TENM2: variants seen among roughly 807,000 people sequenced by gnomAD.
TENM2 encodes the protein teneurin transmembrane protein 2, also known as teneurin-2.
TENM2 carries 52 observed loss-of-function variants against 245.2 expected under a neutral mutation model. The ratio of observed to expected loss-of-function variants is 0.21; its 90% CI spans 0.17 to 0.27. The LOEUF is 0.27. Among genes scored for constraint, TENM2 ranks in the 10% least tolerant of loss-of-function variants. The pLI is 1.00. For missense variants in TENM2, 3,046 were observed against 3,666.8 expected, an observed-to-expected ratio of 0.83 and a Z score of 4.37; for synonymous variants, 1,363 against 1,438.9, an observed-to-expected ratio of 0.95 and a Z score of 1.19.
rs894933754 is a variant in TENM2 at position 167,473,454 on chromosome 5, A to G, written c.502+97981A>G. ...AATAGCACATTTCTTTAAAGAACCA[A>G]GGACGAAGGAAAGTTCATTCTCATT... On this transcript the variant is annotated intron_variant, in intron 2 of 28. Transcript: ENST00000518659. Among the ~76,000 whole-genome samples the G allele has an allele frequency of 2.6e-5, 4 of 152,354 alleles. No individual in the cohort carries two copies. In the East Asian group the frequency reaches 7.7e-4, roughly 29 times the overall value.
At chr5:167,053,234 C>T in the TENM2 span, among the ~76,000 whole-genome samples, 2 of 152,116 alleles carry the variant, frequency 1.3e-5, no homozygotes, top group Non-Finnish European at 1.5e-5. Context: ...TCTTATGACA[C>T]TTATTACATG....
At chr5:167,071,878 G>GCCCCCCCCCCCCCCCC in the TENM2 span, among the ~76,000 whole-genome samples, 3 of 124,026 alleles carry the variant, frequency 2.4e-5, no homozygotes, top group Admixed American at 9.2e-5. Flanking sequence ...TTGACAAATC[G>GCCCCCCCCCCCCCCCC]CCCCCCCCCG....
At chr5:167,068,573 G>A in the TENM2 span, among the ~76,000 whole-genome samples, 1 of 152,060 alleles carries the variant, frequency 6.6e-6, no homozygotes, top group East Asian at 1.9e-4. Flanking sequence ...GTCAGATCTG[G>A]TATGTAATTT....
chr5:166,980,382 A>T, the TENM2 span, among the ~76,000 whole-genome samples: 1 of 152,182 alleles, frequency 6.6e-6, no homozygotes, highest in African/African-American at 2.4e-5. Context: ...AAAATTATTT[A>T]AAATAGCCAG....
chr5:168,222,282 A>G (rs1206777430), intron 23 of TENM2, among the ~76,000 whole-genome samples: 1 of 152,186 alleles, frequency 6.6e-6, no homozygotes, highest in African/African-American at 2.4e-5. Context: ...CCCCTGCAGG[A>G]GCAGAGTCTG....
At chr5:167,101,835 T>TTATA in the TENM2 span, among the ~76,000 whole-genome samples, 1 of 50,854 alleles carries the variant, frequency 2.0e-5, no homozygotes, top group Non-Finnish European at 3.9e-5. Context: ...CTCTTGACAT[T>TTATA]TATATATATA....
chr5:167,284,588 T>C (rs1346073522), upstream of TENM2, among the ~76,000 whole-genome samples: 1 of 152,234 alleles, frequency 6.6e-6, no homozygotes, highest in African/African-American at 2.4e-5. Flanking sequence ...ATTTACTGTA[T>C]CGAGTTCTTC....
chr5:167,758,581 C>T (rs1290099849), intron 2 of TENM2, among the ~76,000 whole-genome samples: 5 of 152,164 alleles, frequency 3.3e-5, no homozygotes, highest in African/African-American at 1.2e-4. Flanking sequence ...ATACAGTCTT[C>T]TCTTTCTGGA....
At chr5:167,498,836 G>A (rs906652216) in intron 2 of TENM2, among the ~76,000 whole-genome samples, 2 of 152,076 alleles carry the variant, frequency 1.3e-5, no homozygotes, top group Non-Finnish European at 2.9e-5. Context: ...AGGATGATGC[G>A]TGTGGGAGCG....
intron 5 of TENM2, among the ~76,000 whole-genome samples, chr5:167,997,203 C>T (rs746918194): frequency 9.9e-5 from 15 of 152,156 alleles, no homozygotes; most frequent in African/African-American, 2.7e-4. Context: ...AGTTGCAGGG[C>T]GAGCACTAGG....
At chr5:168,190,458 C>T (rs751961255) in exon 14 of TENM2, 33 of 1,613,980 alleles carry the variant, frequency 2.0e-5, no homozygotes, top group South Asian at 3.3e-5. Flanking sequence ...CGGATTGGCC[C>T]GCAGTGAAGT....
chr5:167,156,551 C>T, the TENM2 span, among the ~76,000 whole-genome samples: 1 of 152,168 alleles, frequency 6.6e-6, no homozygotes, highest in Non-Finnish European at 1.5e-5. Context: ...ATCTCCAAGT[C>T]GGAGAGCAGC....
chr5:167,029,394 A>G, the TENM2 span, among the ~76,000 whole-genome samples: 3 of 152,204 alleles, frequency 2.0e-5, no homozygotes, highest in Admixed American at 2.0e-4. Context: ...TTGGCCTCTA[A>G]TGAGCCAATA....
chr5:167,901,737 A>G (rs771262719), intron 3 of TENM2, among the ~76,000 whole-genome samples: 1 of 152,194 alleles, frequency 6.6e-6, no homozygotes, highest in Non-Finnish European at 1.5e-5. Flanking sequence ...TTCTTCCATC[A>G]TGCTGGCACA....
chr5:167,351,422 T>A (rs989107613), intron 1 of TENM2, among the ~76,000 whole-genome samples: 3 of 152,154 alleles, frequency 2.0e-5, no homozygotes, highest in African/African-American at 7.2e-5. Flanking sequence ...TGTTTTTAAA[T>A]GACACACATT....
the TENM2 span, among the ~76,000 whole-genome samples, chr5:167,158,046 C>A: frequency 6.6e-6 from 1 of 152,088 alleles, no homozygotes; most frequent in African/African-American, 2.4e-5. Flanking sequence ...CTTTTTTTAA[C>A]TTTGAAAATC....
At chr5:167,548,025 G>A (rs1474270041) in intron 2 of TENM2, among the ~76,000 whole-genome samples, 2 of 152,186 alleles carry the variant, frequency 1.3e-5, no homozygotes, top group African/African-American at 2.4e-5. Flanking sequence ...AAGAACTCTG[G>A]TCATTCATCG....
At chr5:167,559,835 C>T (rs956124207) in intron 2 of TENM2, among the ~76,000 whole-genome samples, 2 of 152,230 alleles carry the variant, frequency 1.3e-5, no homozygotes, top group East Asian at 1.9e-4. Context: ...TAGGTGTTTT[C>T]GTGCTTCAAA....
intron 2 of TENM2, among the ~76,000 whole-genome samples, chr5:167,447,531 A>C (rs1765303447): frequency 6.6e-6 from 1 of 152,166 alleles, no homozygotes; most frequent in South Asian, 2.1e-4. Context: ...TACAACTTTG[A>C]CTTGGGTGAG....
Sources: gnomAD v4.1 joint callset for allele counts (sites outside exome capture counted in the v4.1 genomes callset) on GRCh38, gnomAD v4.1.1 for gene constraint, MANE v1.5 for transcripts, NCBI Gene and HGNC (gene_info 2026-07-23, HGNC 2026-07-21) for gene names.